Variants in PARP11 observed in about 807,000 individuals in gnomAD.
PARP11 encodes the protein protein mono-ADP-ribosyltransferase PARP11.
A neutral mutation model predicts 42.9 loss-of-function variants in PARP11; 31 were observed. The ratio of observed to expected loss-of-function variants is 0.72; its 90% CI spans 0.54 to 0.98. The LOEUF (loss-of-function observed/expected upper bound fraction) is 0.98. Ranked by LOEUF, PARP11 falls within the 50% of genes least tolerant of loss-of-function variation. The pLI is 0.00. For missense variants in PARP11, 365 were observed against 413.1 expected, an observed-to-expected ratio of 0.88 and a Z score of 1.01; for synonymous variants, 137 against 127.3, an observed-to-expected ratio of 1.08 and a Z score of -0.51.
intron 1 of PARP11, among the ~76,000 whole-genome samples, chr12:3,860,687 T>A (rs986553579): frequency 4.6e-5 from 7 of 152,106 alleles, no homozygotes; most frequent in Non-Finnish European, 1.0e-4. Flanking sequence ...AGAGACAGGG[T>A]CTTGCTCTGT....
Position 3,812,269 on chromosome 12 carries a change from C to A in PARP11, c.871G>T (p.Asp291Tyr). The A allele has an allele frequency of 6.2e-7, 1 of 1,614,194 alleles. No individual in the cohort carries two copies. The highest frequency in any genetic ancestry group is 8.5e-7 in the Non-Finnish European group (1 of 1,180,012). The change falls in exon 8 of 8, where the codon GAC becomes TAC. Residue 291 changes from aspartate (D) to tyrosine (Y), a missense_variant. Asp to Tyr is a radical substitution (Grantham distance 160). Coordinates refer to ENST00000228820, the MANE Select transcript of PARP11 (RefSeq NM_020367.6). Reference protein sequence around the residue: ...RVLIGDYINGDSKYMRPPSKD... With the variant: ...RVLIGDYINGYSKYMRPPSKD... ...GAAGGAGGTCGCATGTATTTGGAGT[C>A]TCCGTTTATGTAATCTCCAATTAGC...
At chr12:3,813,314 A>G (rs138485510) in intron 7 of PARP11, among the ~76,000 whole-genome samples, 240 of 152,362 alleles carry the variant, frequency 1.6e-3, no homozygotes, top group African/African-American at 5.4e-3. Flanking sequence ...TCCCATATCC[A>G]TGAAAAGATT....
intron 1 of PARP11, among the ~76,000 whole-genome samples, chr12:3,849,789 T>A (rs946771967): frequency 6.6e-6 from 1 of 152,202 alleles, no homozygotes; most frequent in Non-Finnish European, 1.5e-5. Context: ...CAATAATCTA[T>A]TGTACATTTC....
At chr12:3,843,084 TGA>T (rs1282209931) in intron 1 of PARP11, among the ~76,000 whole-genome samples, 2 of 152,242 alleles carry the variant, frequency 1.3e-5, no homozygotes, top group Non-Finnish European at 2.9e-5. Flanking sequence ...CTGTCAAACT[TGA>T]ATAATGTCTT....
chr12:3,840,112 C>G lies in PARP11; in HGVS notation c.19-10094G>C. 1 of 1,610,470 alleles carries G rather than the reference C, an allele frequency of 6.2e-7. No individual in the cohort carries two copies. The highest frequency in any genetic ancestry group is 8.5e-7 in the Non-Finnish European group (1 of 1,176,690). On this transcript the variant is annotated intron_variant, in intron 1 of 7. Coordinates refer to ENST00000228820, the MANE Select transcript of PARP11 (RefSeq NM_020367.6). This position sits in a 1 kb window ranked among gnomAD's most constrained non-coding sequence, Gnocchi z 4.4. ...AATTTGGCTGGAGTCTAAACAAGCT[C>G]AGCAAAAACGTGATTATTCCATTGC...
chr12:3,841,604 A>G, intron 1 of PARP11: 1 of 1,613,096 alleles, frequency 6.2e-7, no homozygotes, highest in South Asian at 1.1e-5. Flanking sequence ...TTGTCTTACC[A>G]GGCTGATCTT....
At chr12:3,814,333 A>G (rs928280200) in intron 6 of PARP11, 145 bp from the exon 7 acceptor site, 18 of 575,826 alleles carry the variant, frequency 3.1e-5, no homozygotes, top group Non-Finnish European at 4.0e-5. Context: ...GCAAGTCTAG[A>G]AAAGAAATAA....
intron 1 of PARP11, chr12:3,841,934 A>T (rs1202711571): frequency 9.3e-6 from 15 of 1,605,244 alleles, no homozygotes; most frequent in Non-Finnish European, 3.4e-6. Flanking sequence ...GAACATGTAC[A>T]TTCTCTCCCT....
intron 1 of PARP11, among the ~76,000 whole-genome samples, chr12:3,849,009 G>C (rs1286698279): frequency 6.6e-6 from 1 of 150,828 alleles, no homozygotes; most frequent in African/African-American, 2.4e-5. Flanking sequence ...CAAAAGACCT[G>C]AATAGATATT....
In PARP11 at chr12:3,812,442, TAAAC is replaced by T; in HGVS notation, c.701-7_701-4del. ...AGCATCTCTAGCAAAATAGGTTCCT[TAAAC>T]AAAGAGGACCAAGAAAAGCCAAGAT... On this transcript the variant is annotated splice_region_variant and splice_polypyrimidine_tract_variant and intron_variant, in intron 7 of 7. Transcript: ENST00000228820. 3 of 1,596,022 alleles carry T rather than the reference TAAAC, an allele frequency of 1.9e-6. No individual in the cohort carries two copies. In the South Asian group the frequency reaches 3.4e-5, roughly 18 times the overall value.
intron 1 of PARP11, among the ~76,000 whole-genome samples, chr12:3,857,475 C>T (rs550698594): frequency 6.6e-6 from 1 of 152,226 alleles, no homozygotes; most frequent in Admixed American, 6.5e-5. Context: ...ACACCAATTA[C>T]AGCTGCTGAG....
chr12:3,844,090 T>C (rs948282146), intron 1 of PARP11, among the ~76,000 whole-genome samples: 14 of 152,222 alleles, frequency 9.2e-5, no homozygotes, highest in African/African-American at 3.4e-4. Flanking sequence ...GAATCGCCAC[T>C]GTACTGTAAT....
In PARP11 at chr12:3,812,372, G is replaced by A; in HGVS notation, c.768C>T (p.Asn256=). 1 of 1,614,110 alleles carries A rather than the reference G, an allele frequency of 6.2e-7. No homozygotes were observed. The highest frequency in any genetic ancestry group is 8.5e-7 in the Non-Finnish European group (1 of 1,179,976). Residue 256 remains asparagine, a synonymous_variant, in exon 8 of 8, where the codon AAC becomes AAT. Coordinates refer to ENST00000228820, the MANE Select transcript of PARP11 (RefSeq NM_020367.6). ...RFCKDDIKHG[N]TFQIHGVSLQ... ...AGCTGACACCATGAATTTGGAATGT[G>A]TTCCCATGCTTTATGTCATCTTTGC...
chr12:3,833,671 G>A (rs1208585160), intron 1 of PARP11, among the ~76,000 whole-genome samples: 1 of 152,086 alleles, frequency 6.6e-6, no homozygotes, highest in Non-Finnish European at 1.5e-5. Flanking sequence ...AAAGTCTCTG[G>A]AAACTGTACT....
intron 1 of PARP11, chr12:3,841,835 G>A (rs1307858442): frequency 4.4e-6 from 7 of 1,608,974 alleles, no homozygotes; most frequent in Non-Finnish European, 5.1e-6. Flanking sequence ...GATGAGAAAG[G>A]AGAATTGGAT....
intron 1 of PARP11, among the ~76,000 whole-genome samples, chr12:3,849,023 CA>C (rs1948048661): frequency 6.6e-6 from 1 of 151,118 alleles, no homozygotes; most frequent in African/African-American, 2.4e-5. Context: ...AGATATTTCT[CA>C]AAAGACATAC....
At position 3,814,155 on chromosome 12, in the gene PARP11, C is replaced by T. The variant is rs770153529; in HGVS notation, c.582G>A (p.Val194=). Residue 194 remains valine, a synonymous_variant, in exon 7 of 8, where the codon GTG becomes GTA. Coordinates refer to ENST00000228820, the MANE Select transcript of PARP11 (RefSeq NM_020367.6). ...KKAQLKKKRG[V]PQINEQMLFH... is the part of the protein sequence containing the mutation. ...ACAGCATTTGTTCATTAATCTGAGG[C>T]ACACCTCTTTTTTTCTTGAGCTGAG... is the stretch of plus-strand genomic sequence containing the variant. The T allele has an allele frequency of 5.6e-6, 9 of 1,604,998 alleles. No homozygotes were observed. Among genetic ancestry groups the T allele is most frequent in the Non-Finnish European group, 7.7e-6 (9 of 1,174,274 alleles).
At chr12:3,857,680 C>T (rs1252778432) in intron 1 of PARP11, among the ~76,000 whole-genome samples, 3 of 151,860 alleles carry the variant, frequency 2.0e-5, no homozygotes, top group Non-Finnish European at 4.4e-5. Flanking sequence ...CACCAGAAAC[C>T]TCTTTTCTGA....
intron 1 of PARP11, chr12:3,872,638 G>C: frequency 1.0e-6 from 1 of 985,158 alleles, no homozygotes; most frequent in Non-Finnish European, 1.2e-6. Context: ...CACCAAGAAG[G>C]GAAAAGGAGA....
Sources: gnomAD v4.1 joint callset for allele counts (sites outside exome capture counted in the v4.1 genomes callset) on GRCh38, gnomAD v4.1.1 for gene constraint, Gnocchi (gnomAD v3.1) non-coding constraint, MANE v1.5 for transcripts, NCBI Gene and HGNC (gene_info 2026-07-23, HGNC 2026-07-21) for gene names.